The following AOAH variants were observed in gnomAD, a reference collection of about 807,000 sequenced individuals.
AOAH encodes the protein acyloxyacyl hydrolase (neutrophil).
In AOAH, 64 loss-of-function variants were observed where a neutral mutation model predicts 92.2. The ratio of observed to expected loss-of-function variants is 0.69; its 90% CI spans 0.57 to 0.86. The LOEUF (loss-of-function observed/expected upper bound fraction) is 0.86. Among genes scored for constraint, AOAH ranks in the 40% least tolerant of loss-of-function variants. The pLI, the probability that AOAH is intolerant of heterozygous loss-of-function variation, is 0.00. For synonymous variants in AOAH, 263 were observed against 254.5 expected, an observed-to-expected ratio of 1.03 and a Z score of -0.32; for missense variants, 656 against 694.6, an observed-to-expected ratio of 0.94 and a Z score of 0.62.
intron 6 of AOAH, among the ~76,000 whole-genome samples, chr7:36,626,749 AT>A (rs1792690145): frequency 6.6e-6 from 1 of 152,134 alleles, no homozygotes; most frequent in Admixed American, 6.6e-5. Context: ...TGAATTTCAA[AT>A]CATATCTGGC....
At chr7:36,697,563 C>T (rs1797795712) in intron 1 of AOAH, among the ~76,000 whole-genome samples, 1 of 152,050 alleles carries the variant, frequency 6.6e-6, no homozygotes, top group Non-Finnish European at 1.5e-5. Context: ...GTGTTTCTTC[C>T]TCCTCTATTT....
rs112178528 is a variant in AOAH at position 36,623,797 on chromosome 7, G to A, written c.522-547C>T. Among the ~76,000 whole-genome samples, 244 of 152,288 alleles carry A rather than the reference G, an allele frequency of 1.6e-3. 1 individual carries two copies. The highest frequency in any genetic ancestry group is 5.7e-3 in the African/African-American group (238 of 41,558). On this transcript the variant is annotated intron_variant, in intron 6 of 20. Coordinates refer to ENST00000617537, the MANE Select transcript of AOAH (RefSeq NM_001637.4). ...TGCCAAAGCCATGGACATCCCATGA[G>A]GGAGGATTTCCCCTGTGGAATCCTC... is the stretch of plus-strand genomic sequence containing the variant.
intron 13 of AOAH, among the ~76,000 whole-genome samples, chr7:36,565,883 C>T (rs1435292743): frequency 6.6e-6 from 1 of 152,070 alleles, no homozygotes. Flanking sequence ...TGAGGACAAT[C>T]ATGAAATCCA....
intron 13 of AOAH, among the ~76,000 whole-genome samples, chr7:36,574,811 A>C (rs1345361098): frequency 6.6e-6 from 1 of 152,184 alleles, no homozygotes; most frequent in Non-Finnish European, 1.5e-5. Flanking sequence ...ATCAAACATA[A>C]TGATTTTCTA....
Position 36,522,126 on chromosome 7 carries a change from C to T in AOAH, c.1523-11G>A. 1 of 1,613,742 alleles carries T rather than the reference C, an allele frequency of 6.2e-7. No homozygotes were observed. ...GCCACTCCTGTATGACTGCAGGGCA[C>T]ATAACGAGAGGGTTACAGACACACT... On this transcript the variant is annotated splice_polypyrimidine_tract_variant and intron_variant, in intron 19 of 20. Transcript: ENST00000617537.
chr7:36,675,446 G>A (rs535639109), intron 2 of AOAH, among the ~76,000 whole-genome samples: 1 of 152,252 alleles, frequency 6.6e-6, no homozygotes, highest in East Asian at 1.9e-4. Context: ...ATGGACTCAA[G>A]AATAGACAAT....
chr7:36,720,524 A>C (rs1049448930), intron 1 of AOAH, among the ~76,000 whole-genome samples: 2 of 152,112 alleles, frequency 1.3e-5, no homozygotes, highest in African/African-American at 4.8e-5. Flanking sequence ...CACCTTCCCC[A>C]GGTGGCTTTA....
At chr7:36,684,010 A>AT in intron 2 of AOAH, among the ~76,000 whole-genome samples, 1 of 152,240 alleles carries the variant, frequency 6.6e-6, no homozygotes, top group East Asian at 1.9e-4. Context: ...AAAAAAAAAA[A>AT]GAGTGGCCAA....
intron 8 of AOAH, among the ~76,000 whole-genome samples, 193 bp downstream of exon 8, chr7:36,621,517 T>A (rs1792276256): frequency 6.6e-6 from 1 of 152,186 alleles, no homozygotes; most frequent in South Asian, 2.1e-4. Context: ...AAATTGTAGG[T>A]CCCTGATAAG....
At chr7:36,573,961 AC>A (rs1788317376) in intron 13 of AOAH, among the ~76,000 whole-genome samples, 1 of 152,172 alleles carries the variant, frequency 6.6e-6, no homozygotes, top group Non-Finnish European at 1.5e-5. Flanking sequence ...TGAAAAGCTG[AC>A]TTTTCCTATA....
At chr7:36,689,815 T>C (rs986632917) in intron 1 of AOAH, among the ~76,000 whole-genome samples, 3 of 152,160 alleles carry the variant, frequency 2.0e-5, no homozygotes, top group African/African-American at 7.2e-5. Context: ...ATTCTTGCAA[T>C]CAATGGCATA....
At chr7:36,681,928 C>T (rs1187464581) in intron 2 of AOAH, among the ~76,000 whole-genome samples, 3 of 152,162 alleles carry the variant, frequency 2.0e-5, no homozygotes, top group South Asian at 2.1e-4. Context: ...TAAACCACTT[C>T]GCAACTGCAA....
In AOAH at chr7:36,619,116, AGT is replaced by A. The variant is rs375925925; in HGVS notation, c.703-773_703-772del. ...TGCTGATCAGAGATGTGTTAACAAG[AGT>A]GTGCTCACTCTCCAGTCTTGAGAGC... On this transcript the variant is annotated intron_variant, in intron 9 of 20. Transcript: ENST00000617537. 3.7e-3 allele frequency among the ~76,000 whole-genome samples: 557 copies of A among 152,294 alleles called. 5 individuals carry two copies. The highest frequency in any genetic ancestry group is 0.012 in the African/African-American group (497 of 41,572).
chr7:36,528,986 T>C (rs1287053441), intron 19 of AOAH, among the ~76,000 whole-genome samples: 3 of 152,180 alleles, frequency 2.0e-5, no homozygotes, highest in Non-Finnish European at 2.9e-5. Context: ...TCCTGGGTGG[T>C]GTTGATTTTG....
chr7:36,657,595 G>A (rs1327636005), intron 4 of AOAH, among the ~76,000 whole-genome samples: 1 of 152,220 alleles, frequency 6.6e-6, no homozygotes, highest in Non-Finnish European at 1.5e-5. Context: ...GGCAGAGGGT[G>A]AAGGCCTAGA....
At chr7:36,601,031 T>C (rs1790533223) in intron 11 of AOAH, among the ~76,000 whole-genome samples, 1 of 151,992 alleles carries the variant, frequency 6.6e-6, no homozygotes, top group Admixed American at 6.6e-5. Flanking sequence ...TGGCCTGACA[T>C]ACCCAGGGGA....
intron 19 of AOAH, among the ~76,000 whole-genome samples, chr7:36,527,832 A>G (rs550402634): frequency 5.3e-5 from 8 of 152,352 alleles, no homozygotes; most frequent in African/African-American, 1.9e-4. Context: ...GTTTCTGGGA[A>G]GATGAGCTGC....
intron 13 of AOAH, among the ~76,000 whole-genome samples, chr7:36,560,864 A>C (rs1787208429): frequency 6.6e-6 from 1 of 152,190 alleles, no homozygotes; most frequent in Non-Finnish European, 1.5e-5. Context: ...TAGCCATATA[A>C]ATTAGGAGTA....
chr7:36,660,854 T>C (rs910960169), intron 3 of AOAH, among the ~76,000 whole-genome samples: 2 of 152,230 alleles, frequency 1.3e-5, no homozygotes, highest in African/African-American at 2.4e-5. Context: ...GAAGCAAATG[T>C]ATAAACTCTT....
Sources: allele counts gnomAD v4.1 joint callset (sites outside exome capture counted in the v4.1 genomes callset), GRCh38; gene constraint gnomAD v4.1.1; transcripts MANE v1.5; gene names NCBI Gene and HGNC (gene_info 2026-07-23, HGNC 2026-07-21).